The following POLI variants were observed in gnomAD, a reference collection of about 807,000 sequenced individuals.
POLI encodes the protein DNA polymerase iota.
POLI carries 58 observed loss-of-function variants against 51.6 expected under a neutral mutation model. The observed-to-expected ratio is 1.12, with a 90% CI of 0.91 to 1.40. POLI has a LOEUF of 1.40. Among genes scored for constraint, POLI ranks in the 40% most tolerant of loss-of-function variants. The pLI is 0.00. For synonymous variants in POLI, 322 were observed against 299.7 expected (o/e 1.07, Z -0.77); for missense variants, 921 against 871.3 (o/e 1.06, Z -0.72).
rs3729509 is a variant in POLI, at chr18:54,269,587, G to GCGA, written c.51_53dup (p.Asp17dup). 2.5e-5 allele frequency: 38 copies of GCGA among 1,497,946 alleles called. No homozygotes were observed. In the East Asian group the frequency reaches 6.1e-4, roughly 24 times the overall value. 92.8% of individuals were successfully genotyped at this position (1,497,946 alleles called of 1,614,324 possible). ...GTGGAGCCGGAGGAGGAAGGCGGCG[G>GCGA]CGACGACGACGAGGAAGACGCCGAG... is the stretch of plus-strand genomic sequence containing the variant. On this transcript the variant is annotated inframe_insertion, in exon 1 of 10. Transcript: ENST00000579534.
chr18:54,293,721 A>G lies in POLI; in HGVS notation c.1477A>G (p.Arg493Gly). The change falls in exon 10 of 10, where the codon AGA becomes GGA. Residue 493 changes from arginine (R) to glycine (G), a missense_variant. Transcript: ENST00000579534. ...ETNRDFLPSG[R>G]IESTRTRESP... is the part of the protein sequence containing the mutation. ...AAACCGGGATTTCCTACCAAGTGGA[A>G]GAATTGAAAGTACAAGAACTAGGGA... 6.2e-7 allele frequency: 1 copy of G among 1,601,228 alleles called. No individual in the cohort carries two copies. Among genetic ancestry groups the G allele is most frequent in the Non-Finnish European group, 8.5e-7 (1 of 1,174,796 alleles).
intron 7 of POLI, among the ~76,000 whole-genome samples, chr18:54,286,537 T>A (rs1599212369): frequency 2.7e-5 from 4 of 150,044 alleles, no homozygotes; most frequent in Admixed American, 2.6e-4. Context: ...AAAAAATCTT[T>A]TTTTTGGTAA....
chr18:54,298,112 T>A lies in POLI; in HGVS notation c.*3645T>A, dbSNP rs2088421009. The A allele has an allele frequency of 3.2e-6, 3 of 931,186 alleles. No individual in the cohort carries two copies. The highest frequency in any genetic ancestry group is 1.8e-5 in the African/African-American group (1 of 56,198). The allele number at this position is 931,186 out of a possible 1,614,324, so 57.7% of individuals were successfully genotyped here. A position where few individuals can be genotyped will look rare whatever the true frequency, so the allele number is the denominator to read the frequency against. ...CATCAAATCTGGATTGTTTTCAATA[T>A]TAAAAAAACTTCTATTTTAAAATCT... On this transcript the variant is annotated 3_prime_UTR_variant, in exon 10 of 10. Coordinates refer to ENST00000579534, the MANE Select transcript of POLI (RefSeq NM_007195.3).
intron 3 of POLI, among the ~76,000 whole-genome samples, chr18:54,316,820 A>G (rs1326395878): frequency 3.3e-5 from 5 of 152,202 alleles, no homozygotes; most frequent in Non-Finnish European, 7.4e-5. Flanking sequence ...TTGGCTTAGA[A>G]TGTCTTCAGG....
intron 2 of POLI, among the ~76,000 whole-genome samples, chr18:54,273,442 CT>C (rs962087492): frequency 2.0e-5 from 3 of 146,710 alleles, no homozygotes; most frequent in African/African-American, 7.6e-5. Flanking sequence ...AATTAATCTG[CT>C]TTTATATTGT....
chr18:54,308,382 T>G (rs2088622083), intron 3 of POLI, among the ~76,000 whole-genome samples: 1 of 152,226 alleles, frequency 6.6e-6, no homozygotes, highest in South Asian at 2.1e-4. Flanking sequence ...TTGGAAATTC[T>G]TTTCTTTAAG....
chr18:54,310,485 A>AT (rs5825068), intron 3 of POLI, among the ~76,000 whole-genome samples: 129,322 of 147,458 alleles, frequency 0.88, 56,745 homozygotes, highest in East Asian at 0.99. Context: ...ATTACCTACT[A>AT]TTTTTTTTTT....
At chr18:54,298,924 T>A (rs1027666985), downstream of POLI, among the ~76,000 whole-genome samples, 5 of 152,134 alleles carry the variant, frequency 3.3e-5, no homozygotes, top group African/African-American at 1.2e-4. Context: ...TGAGATGTAT[T>A]ATGGCCCCAA....
chr18:54,299,498 T>A (rs1001446829), downstream of POLI, among the ~76,000 whole-genome samples: 6 of 152,214 alleles, frequency 3.9e-5, no homozygotes, highest in African/African-American at 1.4e-4. Flanking sequence ...AGTATCATAC[T>A]GCATATCAGT....
At chr18:54,272,096 A>G (rs1389330146) in intron 2 of POLI, 3 of 152,178 alleles carry the variant, frequency 2.0e-5, no homozygotes, top group Non-Finnish European at 4.4e-5. Context: ...TGCATGCAGG[A>G]AAGATTCCTC....
rs1339791529 is a variant in POLI, at chr18:54,295,344, A to T, written c.*877A>T. 1 of 984,898 alleles carries T rather than the reference A, an allele frequency of 1.0e-6. No homozygotes were observed. Among genetic ancestry groups the T allele is most frequent in the Non-Finnish European group, 1.2e-6 (1 of 829,538 alleles). The allele number at this position is 984,898 out of a possible 1,614,324, so 61.0% of individuals were successfully genotyped here. On this transcript the variant is annotated 3_prime_UTR_variant, in exon 10 of 10. Coordinates refer to ENST00000579534, the MANE Select transcript of POLI (RefSeq NM_007195.3). ...AACCACAAATATAGACCATTACTAAATTGGTGGATGTCCTCTTTCTCCCAT... is the reference window on the plus strand; with the variant it reads ...AACCACAAATATAGACCATTACTAATTTGGTGGATGTCCTCTTTCTCCCAT...
At chr18:54,293,610 A>C in intron 9 of POLI, 39 bp from the exon 10 acceptor site, 1 of 1,351,132 alleles carries the variant, frequency 7.4e-7, no homozygotes, top group Non-Finnish European at 1.0e-6. Context: ...TTTAAAAGAT[A>C]TCAGATATGT....
chr18:54,294,850 TC>T lies in POLI; in HGVS notation c.*384del. On this transcript the variant is annotated 3_prime_UTR_variant, in exon 10 of 10. Transcript: ENST00000579534. Reference sequence around the variant, plus strand: ...TTTTTTTCCTGTGAAATGTGGAATATCTCAAATTCAGCCTCTTAGGCTGAAT... The same window carrying T: ...TTTTTTTCCTGTGAAATGTGGAATATTCAAATTCAGCCTCTTAGGCTGAAT... 1 of 984,144 alleles carries T rather than the reference TC, an allele frequency of 1.0e-6. No homozygotes were observed. The highest frequency in any genetic ancestry group is 1.2e-6 in the Non-Finnish European group (1 of 828,712). 61.0% of individuals were successfully genotyped at this position (984,144 alleles called of 1,614,324 possible).
At position 54,294,789 on chromosome 18, in the gene POLI, C is replaced by T. The variant is rs1261999028; in HGVS notation, c.*322C>T. On this transcript the variant is annotated 3_prime_UTR_variant, in exon 10 of 10. Transcript: ENST00000579534. ...GTTTATATATAAAAAATAGCCAAAT[C>T]GTTGCAATGATATGGTAAAGGACAC... 42 of 979,014 alleles carry T rather than the reference C, an allele frequency of 4.3e-5. No homozygotes were observed. The highest frequency in any genetic ancestry group is 5.0e-5 in the Non-Finnish European group (41 of 823,356). The allele number at this position is 979,014 out of a possible 1,614,324, so 60.6% of individuals were successfully genotyped here. A position where few individuals can be genotyped will look rare whatever the true frequency, so the allele number is the denominator to read the frequency against.
At position 54,295,311 on chromosome 18, in the gene POLI, G is replaced by T. The variant is rs184489057; in HGVS notation, c.*844G>T. On this transcript the variant is annotated 3_prime_UTR_variant, in exon 10 of 10. Transcript: ENST00000579534. Reference sequence around the variant, plus strand: ...CTACATTTGGAGATGATATTAGGTTGTCATAACAACCACAAATATAGACCA... The same window carrying T: ...CTACATTTGGAGATGATATTAGGTTTTCATAACAACCACAAATATAGACCA... 8.1e-6 allele frequency: 8 copies of T among 984,816 alleles called. No individual in the cohort carries two copies. The Admixed American group carries it at 4.9e-4, about 61-fold the overall frequency. The allele number at this position is 984,816 out of a possible 1,614,324, so 61.0% of individuals were successfully genotyped here.
intron 8 of POLI, among the ~76,000 whole-genome samples, chr18:54,287,895 A>T (rs1490215186): frequency 1.3e-5 from 2 of 152,222 alleles, no homozygotes; most frequent in Admixed American, 6.5e-5. Flanking sequence ...GAGTCATTTA[A>T]GAATGTTTTC....
chr18:54,285,007 G>A (rs2087683797), intron 7 of POLI, among the ~76,000 whole-genome samples: 1 of 152,174 alleles, frequency 6.6e-6, no homozygotes, highest in African/African-American at 2.4e-5. Flanking sequence ...GATTCTAGGA[G>A]GACTAACTGT....
intron 7 of POLI, among the ~76,000 whole-genome samples, chr18:54,285,327 C>T (rs1306020341): frequency 3.9e-5 from 6 of 152,190 alleles, no homozygotes; most frequent in Non-Finnish European, 8.8e-5. Context: ...ATAAGTTTTA[C>T]AGGTTCTCTT....
chr18:54,295,286 C>T lies in POLI; in HGVS notation c.*819C>T. On this transcript the variant is annotated 3_prime_UTR_variant, in exon 10 of 10. Coordinates refer to ENST00000579534, the MANE Select transcript of POLI (RefSeq NM_007195.3). ...GCACTGAGATGTTTTTGTATCTTCC[C>T]TACATTTGGAGATGATATTAGGTTG... 1 of 984,544 alleles carries T rather than the reference C, an allele frequency of 1.0e-6. No homozygotes were observed. The highest frequency in any genetic ancestry group is 1.7e-5 in the African/African-American group (1 of 57,328). The allele number at this position is 984,544 out of a possible 1,614,324, so 61.0% of individuals were successfully genotyped here. A position where few individuals can be genotyped will look rare whatever the true frequency, so the allele number is the denominator to read the frequency against.
Sources: gnomAD v4.1 joint callset for allele counts (sites outside exome capture counted in the v4.1 genomes callset) on GRCh38, gnomAD v4.1.1 for gene constraint, MANE v1.5 for transcripts, NCBI Gene and HGNC (gene_info 2026-07-23, HGNC 2026-07-21) for gene names.